The following TFPI variants were observed in gnomAD, a reference collection of about 807,000 sequenced individuals.
The protein encoded by TFPI is tissue factor pathway inhibitor.
Under a neutral mutation model 34.6 loss-of-function variants are expected in TFPI, and 15 were observed. The observed-to-expected ratio is 0.43, with a 90% CI of 0.29 to 0.67. The LOEUF (loss-of-function observed/expected upper bound fraction) is 0.67. Among genes scored for constraint, TFPI ranks in the 30% least tolerant of loss-of-function variants. The pLI, the probability that TFPI is intolerant of heterozygous loss-of-function variation, is 0.15. For missense variants in TFPI, 301 were observed against 364.0 expected (o/e 0.83, Z 1.41); for synonymous variants, 105 against 120.1 (o/e 0.87, Z 0.82).
intron 4 of TFPI, among the ~76,000 whole-genome samples, chr2:187,486,609 A>C (rs911180194): frequency 3.3e-5 from 5 of 151,774 alleles, no homozygotes; most frequent in African/African-American, 1.2e-4. Context: ...AAAGTTGAAA[A>C]TGGACACATG....
intron 6 of TFPI, among the ~76,000 whole-genome samples, chr2:187,474,637 G>A (rs1000518186): frequency 2.0e-5 from 3 of 152,150 alleles, no homozygotes; most frequent in African/African-American, 7.2e-5. Flanking sequence ...AACCGAAGCA[G>A]TTACCATGGG....
intron 6 of TFPI, among the ~76,000 whole-genome samples, chr2:187,482,614 T>G (rs1165573501): frequency 6.6e-6 from 1 of 152,084 alleles, no homozygotes; most frequent in Non-Finnish European, 1.5e-5. Context: ...AATGACCTCT[T>G]AAGTGTTAAT....
chr2:187,532,566 C>A lies in TFPI; in HGVS notation c.-3+21634G>T, dbSNP rs372242363. The stretch of plus-strand genomic sequence containing the variant: ...TTCTGGCCCAGATACAACGCTTTCC[C>A]CATGGTCTTTGCAACCCGCAGACCA... On this transcript the variant is annotated intron_variant, in intron 1 of 7. Transcript: ENST00000233156. Among the ~76,000 whole-genome samples the A allele has an allele frequency of 1.6e-3, 237 of 152,326 alleles. 2 individuals carry two copies. The highest frequency in any genetic ancestry group is 3.9e-3 in the South Asian group (19 of 4,828).
intron 6 of TFPI, among the ~76,000 whole-genome samples, chr2:187,475,283 T>C (rs1692301740): frequency 6.6e-6 from 1 of 152,170 alleles, no homozygotes; most frequent in South Asian, 2.1e-4. Context: ...CAATTAGTTA[T>C]AAGATCCAAA....
intron 6 of TFPI, among the ~76,000 whole-genome samples, chr2:187,475,642 G>T (rs1692328796): frequency 6.6e-6 from 1 of 152,074 alleles, no homozygotes; most frequent in African/African-American, 2.4e-5. Flanking sequence ...GGAACCTGAA[G>T]CCAAGCGAAA....
chr2:187,512,616 G>A (rs1686722620), intron 1 of TFPI, among the ~76,000 whole-genome samples: 1 of 151,798 alleles, frequency 6.6e-6, no homozygotes, highest in Non-Finnish European at 1.5e-5. Flanking sequence ...AAACTTACAA[G>A]GTTTTCAGCA....
intron 1 of TFPI, among the ~76,000 whole-genome samples, chr2:187,512,277 T>TA (rs143585752): frequency 0.11 from 12,356 of 110,228 alleles, 781 homozygotes; most frequent in African/African-American, 0.21. Context: ...TATCCTAAGT[T>TA]AAAAAAAAAA....
chr2:187,503,504 C>CACAAA, intron 2 of TFPI, 144 bp downstream of exon 2: 2 of 761,586 alleles, frequency 2.6e-6, no homozygotes, highest in Non-Finnish European at 4.1e-6. Context: ...CACACACATA[C>CACAAA]ATTAGGTATA....
intron 1 of TFPI, chr2:187,520,742 C>T (rs933467957): frequency 3.3e-5 from 5 of 152,026 alleles, no homozygotes; most frequent in Admixed American, 6.5e-5. Context: ...ATATTTGTCT[C>T]TCTGTATTAA....
chr2:187,531,721 GC>G (rs1687967791), intron 1 of TFPI, among the ~76,000 whole-genome samples: 1 of 152,090 alleles, frequency 6.6e-6, no homozygotes, highest in Non-Finnish European at 1.5e-5. Flanking sequence ...TATGTTTGAT[GC>G]CATTTACAAA....
chr2:187,527,539 T>C (rs1347591384), intron 1 of TFPI, among the ~76,000 whole-genome samples: 2 of 152,212 alleles, frequency 1.3e-5, no homozygotes, highest in African/African-American at 2.4e-5. Flanking sequence ...CAGAGCCTGC[T>C]TTATCTCTTT....
Position 187,496,866 on chromosome 2 carries a change from T to A in TFPI, c.319+15A>T, listed in dbSNP as rs372412117. On this transcript the variant is annotated intron_variant, in intron 3 of 7. Transcript: ENST00000233156. ...CCTAAAGGGTCTTGAGTAATAAGGG[T>A]TCCCAGAAACCTACCTCTTGTACAC... 31 of 1,611,660 alleles carry A rather than the reference T, an allele frequency of 1.9e-5. No individual in the cohort carries two copies. In the African/African-American group the frequency reaches 3.6e-4, roughly 19 times the overall value.
chr2:187,553,629 G>A (rs1689172383), intron 1 of TFPI, among the ~76,000 whole-genome samples: 1 of 152,100 alleles, frequency 6.6e-6, no homozygotes, highest in Admixed American at 6.5e-5. Flanking sequence ...TCTCGTTTAA[G>A]TATCTCAGAA....
At chr2:187,554,170 G>C (rs2106344072) in intron 1 of TFPI, 30 bp downstream of exon 1, 1 of 151,874 alleles carries the variant, frequency 6.6e-6, no homozygotes, top group South Asian at 2.1e-4. Context: ...TATTTCTTAT[G>C]GGCTAGACAG....
At chr2:187,550,982 G>T (rs1380008267) in intron 1 of TFPI, among the ~76,000 whole-genome samples, 1 of 152,062 alleles carries the variant, frequency 6.6e-6, no homozygotes, top group South Asian at 2.1e-4. Flanking sequence ...GATAGACTAG[G>T]TTGGCAGCAG....
chr2:187,522,105 A>G (rs1687409694), intron 1 of TFPI, among the ~76,000 whole-genome samples: 1 of 152,032 alleles, frequency 6.6e-6, no homozygotes, highest in Non-Finnish European at 1.5e-5. Context: ...GGAGTTCCTT[A>G]TGTATCTTGG....
At chr2:187,531,826 A>C (rs1027127641) in intron 1 of TFPI, among the ~76,000 whole-genome samples, 9 of 152,150 alleles carry the variant, frequency 5.9e-5, no homozygotes, top group Non-Finnish European at 8.8e-5. Context: ...TAGTTAAATA[A>C]AATTTTTCTA....
chr2:187,514,274 T>C (rs1480095862), intron 1 of TFPI: 1 of 152,174 alleles, frequency 6.6e-6, no homozygotes, highest in Non-Finnish European at 1.5e-5. Context: ...ACAAAAGCAA[T>C]TGTTATGCTT....
intron 4 of TFPI, among the ~76,000 whole-genome samples, chr2:187,485,877 T>C (rs918550639): frequency 4.0e-5 from 6 of 151,734 alleles, no homozygotes; most frequent in Non-Finnish European, 8.9e-5. Flanking sequence ...TATTACCATA[T>C]TGGCAAAACT....
Sources: gnomAD v4.1 joint callset for allele counts (sites outside exome capture counted in the v4.1 genomes callset) on GRCh38, gnomAD v4.1.1 for gene constraint, MANE v1.5 for transcripts, NCBI Gene and HGNC (gene_info 2026-07-23, HGNC 2026-07-21) for gene names.